STAC: variants seen among roughly 807,000 people sequenced by gnomAD.
STAC encodes the protein SH3 and cysteine rich domain.
STAC carries 43 observed loss-of-function variants against 48.8 expected under a neutral mutation model. The ratio of observed to expected loss-of-function variants is 0.88; its 90% CI spans 0.69 to 1.14. STAC has a LOEUF of 1.14. Among genes scored for constraint, STAC ranks in the 50% most tolerant of loss-of-function variants. The pLI, the probability that STAC is intolerant of heterozygous loss-of-function variation, is 0.00. For synonymous variants in STAC, 193 were observed against 179.5 expected (o/e 1.07, Z -0.60); for missense variants, 497 against 504.0 (o/e 0.99, Z 0.13).
At chr3:36,457,543 C>T (rs1207613323) in intron 2 of STAC, among the ~76,000 whole-genome samples, 1 of 152,148 alleles carries the variant, frequency 6.6e-6, no homozygotes, top group Non-Finnish European at 1.5e-5. Context: ...ATTGGCCAGT[C>T]CATTCTTTGG....
At chr3:36,470,123 T>C (rs1333906117) in intron 2 of STAC, among the ~76,000 whole-genome samples, 1 of 152,232 alleles carries the variant, frequency 6.6e-6, no homozygotes, top group East Asian at 1.9e-4. Context: ...TATGATCTTT[T>C]GGAGGTGTTA....
At chr3:36,391,803 G>T (rs572209889) in intron 1 of STAC, among the ~76,000 whole-genome samples, 2 of 152,244 alleles carry the variant, frequency 1.3e-5, no homozygotes, top group South Asian at 4.2e-4. Flanking sequence ...ACATATACCT[G>T]TTGCCTGTTT....
chr3:36,456,067 G>GTA (rs1553636435), intron 2 of STAC, among the ~76,000 whole-genome samples: 56 of 150,272 alleles, frequency 3.7e-4, no homozygotes, highest in Non-Finnish European at 7.0e-4. Flanking sequence ...ACACACGTGC[G>GTA]CACACACACA....
rs191275903 is a variant in STAC at position 36,413,362 on chromosome 3, A to T, written c.112-30002A>T. ...ACTTTATGAATCTGGGTGTTCCTGT[A>T]TTGGGTGCATATATATTTAGGATAG... is the stretch of plus-strand genomic sequence containing the variant. On this transcript the variant is annotated intron_variant, in intron 1 of 10. Transcript: ENST00000273183. Among the ~76,000 whole-genome samples, 175 of 152,276 alleles carry T rather than the reference A, an allele frequency of 1.1e-3. 1 individual carries two copies. The highest frequency in any genetic ancestry group is 2.0e-3 in the Non-Finnish European group (136 of 68,028).
intron 10 of STAC, among the ~76,000 whole-genome samples, chr3:36,537,736 C>T (rs1295864380): frequency 6.6e-6 from 1 of 151,374 alleles, no homozygotes; most frequent in Non-Finnish European, 1.5e-5. Context: ...AAAAAGAAAA[C>T]AAAAAATACT....
At chr3:36,381,698 C>T (rs1456775432) in intron 1 of STAC, among the ~76,000 whole-genome samples, 1 of 152,116 alleles carries the variant, frequency 6.6e-6, no homozygotes, top group African/African-American at 2.4e-5. Context: ...AGACTGCGAT[C>T]CTGTCTCTCT....
At chr3:36,459,046 A>C (rs537993930) in intron 2 of STAC, among the ~76,000 whole-genome samples, 5 of 152,354 alleles carry the variant, frequency 3.3e-5, no homozygotes, top group African/African-American at 9.6e-5. Flanking sequence ...TGAAACTAAA[A>C]TTCAGCAAGT....
At chr3:36,508,763 T>A (rs142591122) in intron 8 of STAC, among the ~76,000 whole-genome samples, 285 of 152,304 alleles carry the variant, frequency 1.9e-3, no homozygotes, top group African/African-American at 6.5e-3. Context: ...TCTTTCCATT[T>A]GCTTGGTAAA....
rs997647650 is a variant in STAC, at chr3:36,383,869, C to T, written c.111+3115C>T. Among the ~76,000 whole-genome samples, 6 of 152,302 alleles carry T rather than the reference C, an allele frequency of 3.9e-5. No individual in the cohort carries two copies. In the South Asian group the frequency reaches 1.2e-3, roughly 32 times the overall value. On this transcript the variant is annotated intron_variant, in intron 1 of 10. Coordinates refer to ENST00000273183, the MANE Select transcript of STAC (RefSeq NM_003149.3). Reference sequence around the variant, plus strand: ...AGGGGCAGTGACTTGCCTGAGATCACACAGATAGTTACTGGCAATACCCTT... The same window carrying T: ...AGGGGCAGTGACTTGCCTGAGATCATACAGATAGTTACTGGCAATACCCTT...
At chr3:36,474,425 G>A (rs113366977) in intron 2 of STAC, among the ~76,000 whole-genome samples, 290 of 152,244 alleles carry the variant, frequency 1.9e-3, no homozygotes, top group African/African-American at 6.5e-3. Context: ...AGACAGTGTT[G>A]AGAGACCCAC....
intron 10 of STAC, among the ~76,000 whole-genome samples, chr3:36,532,926 C>A (rs1180195085): frequency 2.0e-5 from 3 of 152,134 alleles, no homozygotes; most frequent in Non-Finnish European, 4.4e-5. Flanking sequence ...TATACACATG[C>A]CCTGTGAATT....
intron 1 of STAC, among the ~76,000 whole-genome samples, chr3:36,408,622 G>C (rs150357633): frequency 4.9e-4 from 75 of 152,310 alleles, no homozygotes; most frequent in African/African-American, 1.7e-3. Context: ...TTTCTAGACT[G>C]ATTAGAACAC....
chr3:36,509,518 C>A (rs1238789874), intron 8 of STAC, among the ~76,000 whole-genome samples: 1 of 152,122 alleles, frequency 6.6e-6, no homozygotes, highest in Non-Finnish European at 1.5e-5. Context: ...GTTCCATTCT[C>A]CCCATCACTT....
chr3:36,417,472 T>A (rs1295281516), intron 1 of STAC, among the ~76,000 whole-genome samples: 3 of 151,884 alleles, frequency 2.0e-5, no homozygotes, highest in Admixed American at 1.3e-4. Flanking sequence ...CGTATATAAA[T>A]TTTTCTATTG....
intron 1 of STAC, among the ~76,000 whole-genome samples, chr3:36,423,690 T>C (rs1342405512): frequency 6.6e-6 from 1 of 152,152 alleles, no homozygotes; most frequent in Non-Finnish European, 1.5e-5. Flanking sequence ...TTTTGTACTG[T>C]ATTTTGTTTA....
intron 8 of STAC, among the ~76,000 whole-genome samples, chr3:36,522,440 T>C (rs1471946939): frequency 1.3e-5 from 2 of 152,186 alleles, no homozygotes; most frequent in African/African-American, 4.8e-5. Flanking sequence ...TCAAAAAATA[T>C]TGATGGGGTA....
rs554616981 is a variant in STAC, at chr3:36,380,611, C to G, written c.-33C>G. The G allele has an allele frequency of 1.3e-6, 2 of 1,512,598 alleles. No individual in the cohort carries two copies. Among genetic ancestry groups the G allele is most frequent in the Non-Finnish European group, 1.8e-6 (2 of 1,109,980 alleles). The allele number at this position is 1,512,598 out of a possible 1,614,324, so 93.7% of individuals were successfully genotyped here. The stretch of plus-strand genomic sequence containing the variant: ...GCAGGACAGAAGCCTCGCTGTTCCT[C>G]CGGGAGCCCAACACCGTTCCCGCGC... On this transcript the variant is annotated 5_prime_UTR_variant, in exon 1 of 11. Coordinates refer to ENST00000273183, the MANE Select transcript of STAC (RefSeq NM_003149.3).
chr3:36,522,717 G>A (rs1473583017), intron 8 of STAC, among the ~76,000 whole-genome samples: 3 of 152,202 alleles, frequency 2.0e-5, no homozygotes, highest in Admixed American at 6.5e-5. Context: ...GCCAATCTGA[G>A]GTCTCAGGTT....
chr3:36,411,587 C>A (rs1229274287), intron 1 of STAC, among the ~76,000 whole-genome samples: 3 of 152,188 alleles, frequency 2.0e-5, no homozygotes, highest in Non-Finnish European at 4.4e-5. Flanking sequence ...ATTTTGCCAA[C>A]AAATTGCACC....
Sources: gnomAD v4.1 joint callset for allele counts (sites outside exome capture counted in the v4.1 genomes callset) on GRCh38, gnomAD v4.1.1 for gene constraint, MANE v1.5 for transcripts, NCBI Gene and HGNC (gene_info 2026-07-23, HGNC 2026-07-21) for gene names.